The following RTTN variants were observed in gnomAD, a reference collection of about 807,000 sequenced individuals.
RTTN encodes the protein rotatin.
In RTTN, 182 loss-of-function variants were observed where a neutral mutation model predicts 269.2. The observed-to-expected ratio is 0.68, with a 90% CI of 0.60 to 0.76. The LOEUF (loss-of-function observed/expected upper bound fraction) is 0.76. Ranked by LOEUF, RTTN falls within the 30% of genes least tolerant of loss-of-function variation. The probability of loss-of-function intolerance (pLI) is 0.00; values close to 1 mark genes in which losing one functional copy is unlikely to be tolerated. For missense variants in RTTN, 2,545 were observed against 2,608.6 expected, an observed-to-expected ratio of 0.98 and a Z score of 0.53; for synonymous variants, 1,006 against 963.5, an observed-to-expected ratio of 1.04 and a Z score of -0.82.
chr18:70,182,507 G>T (rs1191879502), intron 10 of RTTN, among the ~76,000 whole-genome samples: 3 of 152,092 alleles, frequency 2.0e-5, no homozygotes, highest in Non-Finnish European at 4.4e-5. Flanking sequence ...GAGGAAGGGA[G>T]AGGGGAAGGA....
At chr18:70,195,039 GC>G (rs2061770648) in intron 7 of RTTN, among the ~76,000 whole-genome samples, 1 of 152,166 alleles carries the variant, frequency 6.6e-6, no homozygotes, top group Non-Finnish European at 1.5e-5. Flanking sequence ...CTCTCCAAGA[GC>G]TTCTCACTAC....
intron 35 of RTTN, among the ~76,000 whole-genome samples, chr18:70,064,671 G>A (rs1391798708): frequency 6.6e-6 from 1 of 152,178 alleles, no homozygotes; most frequent in Admixed American, 6.5e-5. Context: ...TGATTCCGTA[G>A]AGTGCCAAGA....
chr18:70,193,342 C>A lies in RTTN; in HGVS notation c.953G>T (p.Arg318Leu). The change falls in exon 8 of 49, where the codon CGC (arginine) becomes CTC (leucine). Residue 318 changes from arginine to leucine, a missense_variant. Transcript: ENST00000640769. Reference sequence around the variant, plus strand: ...ATCTCCTCTGGGTCGCTGGCCTGTGCGCCCAACCACAGAAGGCCGAGGGCT... The same window carrying A: ...ATCTCCTCTGGGTCGCTGGCCTGTGAGCCCAACCACAGAAGGCCGAGGGCT... ...SSSPRPSVVG[R>L]TGQRPRGDGQ... The A allele has an allele frequency of 6.2e-7, 1 of 1,610,346 alleles. No homozygotes were observed. Among genetic ancestry groups the A allele is most frequent in the Non-Finnish European group, 8.5e-7 (1 of 1,178,278 alleles).
chr18:70,082,176 A>G (rs2058586515), intron 32 of RTTN, among the ~76,000 whole-genome samples: 2 of 152,180 alleles, frequency 1.3e-5, no homozygotes. Flanking sequence ...CTGACAACCC[A>G]TTATGTTATT....
intron 39 of RTTN, among the ~76,000 whole-genome samples, chr18:70,049,123 T>C (rs1333591945): frequency 6.6e-6 from 1 of 152,212 alleles, no homozygotes; most frequent in African/African-American, 2.4e-5. Context: ...GTCCAAGTAG[T>C]AAGTATTTTA....
intron 10 of RTTN, among the ~76,000 whole-genome samples, chr18:70,185,897 T>C (rs56078841): frequency 0.088 from 13,332 of 151,958 alleles, 1,267 homozygotes; most frequent in African/African-American, 0.23. Flanking sequence ...CCAAAAACTT[T>C]TAAAATTTTC....
intron 43 of RTTN, among the ~76,000 whole-genome samples, chr18:70,026,317 T>G (rs1297721974): frequency 1.3e-5 from 2 of 152,192 alleles, no homozygotes; most frequent in African/African-American, 2.4e-5. Flanking sequence ...TCCCCAGTGC[T>G]AGAGGTGAGG....
intron 27 of RTTN, among the ~76,000 whole-genome samples, chr18:70,110,269 T>C (rs1156432872): frequency 6.6e-6 from 1 of 150,426 alleles, no homozygotes; most frequent in Non-Finnish European, 1.5e-5. Flanking sequence ...GGGGGATTGC[T>C]GGCAAGATGG....
intron 40 of RTTN, among the ~76,000 whole-genome samples, chr18:70,045,183 A>G (rs550417145): frequency 6.6e-6 from 1 of 152,338 alleles, no homozygotes; most frequent in South Asian, 2.1e-4. Context: ...ATACTGCTAT[A>G]AAGCACCATT....
chr18:70,120,065 C>T (rs2059696589), intron 26 of RTTN, among the ~76,000 whole-genome samples: 1 of 152,114 alleles, frequency 6.6e-6, no homozygotes, highest in African/African-American at 2.4e-5. Context: ...ATCATGAAGG[C>T]CCTACCCTCA....
rs75449797 is a variant in RTTN at position 70,132,901 on chromosome 18, C to T, written c.2954+1572G>A. On this transcript the variant is annotated intron_variant, in intron 23 of 48. Transcript: ENST00000640769. ...ACCCTTTCTCCTCTTTACGGACAAACATGATATTGAGGTAACTCTCTGTCC... is the reference window on the plus strand; with the variant it reads ...ACCCTTTCTCCTCTTTACGGACAAATATGATATTGAGGTAACTCTCTGTCC... 5.0e-3 allele frequency among the ~76,000 whole-genome samples: 768 copies of T among 152,166 alleles called. 6 individuals are homozygous for T. The highest frequency in any genetic ancestry group is 0.018 in the African/African-American group (728 of 41,540).
chr18:70,188,315 G>GTC (rs2061593942), intron 9 of RTTN, 92 bp from the exon 10 acceptor site: 2 of 695,996 alleles, frequency 2.9e-6, no homozygotes. Context: ...TTTCTAGTTA[G>GTC]TCATGCTCCA....
In RTTN at chr18:70,145,655, G is replaced by C. The variant is rs766874977; in HGVS notation, c.2438C>G (p.Pro813Arg). ...RVTDLFIGKK[P>R]IELRLDDRRE... ...TCTGTCATCCAGTCTGAGTTCAATAGGTTTCTTCCCAATGAATAAATCAGT... is the reference window on the plus strand; with the variant it reads ...TCTGTCATCCAGTCTGAGTTCAATACGTTTCTTCCCAATGAATAAATCAGT... The change falls in exon 18 of 49, where the codon CCT becomes CGT. Residue 813 changes from proline to arginine, a missense_variant. Physicochemically the swap from Pro to Arg is moderately radical, Grantham distance 103. Transcript: ENST00000640769. 6.2e-7 allele frequency: 1 copy of C among 1,612,554 alleles called. No individual in the cohort carries two copies. Among genetic ancestry groups the C allele is most frequent in the African/African-American group, 1.3e-5 (1 of 74,922 alleles).
intron 35 of RTTN, 58 bp from the exon 36 acceptor site, chr18:70,060,100 C>A: frequency 7.6e-7 from 1 of 1,322,204 alleles, no homozygotes; most frequent in South Asian, 1.8e-5. Flanking sequence ...GTACAATACT[C>A]AAAAGTTCTT....
chr18:70,112,179 CG>C (rs2059485847), intron 27 of RTTN, among the ~76,000 whole-genome samples: 1 of 152,110 alleles, frequency 6.6e-6, no homozygotes, highest in Admixed American at 6.5e-5. Flanking sequence ...AAGGAAAAAC[CG>C]GTACCAGCCA....
intron 40 of RTTN, among the ~76,000 whole-genome samples, chr18:70,042,019 C>T (rs1462967975): frequency 1.3e-5 from 2 of 151,658 alleles, no homozygotes; most frequent in African/African-American, 2.4e-5. Context: ...GTCTTAAATA[C>T]AGCACATAAT....
At chr18:70,141,358 A>G (rs2060252660) in intron 19 of RTTN, among the ~76,000 whole-genome samples, 1 of 152,232 alleles carries the variant, frequency 6.6e-6, no homozygotes, top group Non-Finnish European at 1.5e-5. Context: ...CTATGGAATA[A>G]CAACACTACA....
At chr18:70,017,167 C>T (rs2056565487) in intron 46 of RTTN, among the ~76,000 whole-genome samples, 1 of 152,080 alleles carries the variant, frequency 6.6e-6, no homozygotes, top group Non-Finnish European at 1.5e-5. Context: ...CCACGGCTCC[C>T]CTTCCTCCAG....
At chr18:70,205,456 C>A in intron 1 of RTTN, 141 bp from the exon 2 acceptor site, 1 of 1,366,196 alleles carries the variant, frequency 7.3e-7, no homozygotes, top group South Asian at 1.3e-5. Context: ...GGGACGCGAA[C>A]CGCGAAGTTT....
Sources: allele counts gnomAD v4.1 joint callset (sites outside exome capture counted in the v4.1 genomes callset), GRCh38; gene constraint gnomAD v4.1.1; transcripts MANE v1.5; gene names NCBI Gene and HGNC (gene_info 2026-07-23, HGNC 2026-07-21).